Variants in GLCE observed in about 807,000 individuals in gnomAD.
GLCE encodes the protein glucuronic acid epimerase.
GLCE carries 19 observed loss-of-function variants against 47.9 expected under a neutral mutation model. The ratio of observed to expected loss-of-function variants is 0.40; its 90% CI spans 0.28 to 0.58. GLCE has a LOEUF of 0.58. Ranked by LOEUF, GLCE falls within the 20% of genes least tolerant of loss-of-function variation. GLCE has a pLI of 0.48. For missense variants in GLCE, 556 were observed against 743.3 expected (o/e 0.75, Z 2.93); for synonymous variants, 245 against 263.4 (o/e 0.93, Z 0.68).
intron 1 of GLCE, among the ~76,000 whole-genome samples, chr15:69,182,813 A>G (rs1428096348): frequency 1.3e-5 from 2 of 152,086 alleles, no homozygotes; most frequent in Non-Finnish European, 2.9e-5. Context: ...CAGGAGATTG[A>G]GACCAGCCTG....
intron 2 of GLCE, among the ~76,000 whole-genome samples, chr15:69,237,323 G>A (rs908440796): frequency 1.3e-5 from 2 of 151,924 alleles, no homozygotes; most frequent in Admixed American, 6.6e-5. Flanking sequence ...GGCTGGGTGC[G>A]GTGGCTCATG....
chr15:69,164,647 A>G (rs548930934), intron 1 of GLCE, among the ~76,000 whole-genome samples: 1 of 152,052 alleles, frequency 6.6e-6, no homozygotes, highest in Admixed American at 6.5e-5. Context: ...AGGAAGAGAT[A>G]CCTTAAGAGT....
chr15:69,167,666 A>T (rs972475095), intron 1 of GLCE, among the ~76,000 whole-genome samples: 4 of 152,222 alleles, frequency 2.6e-5, no homozygotes, highest in Admixed American at 2.0e-4. Flanking sequence ...GGTAGTGTAT[A>T]AAGATAACCA....
chr15:69,233,925 A>G (rs546219367), intron 2 of GLCE, among the ~76,000 whole-genome samples: 1 of 152,058 alleles, frequency 6.6e-6, no homozygotes, highest in African/African-American at 2.4e-5. Context: ...TCATACATAC[A>G]TACATATGAA....
chr15:69,239,791 G>A (rs1015703558), intron 2 of GLCE, among the ~76,000 whole-genome samples: 1 of 152,082 alleles, frequency 6.6e-6, no homozygotes, highest in African/African-American at 2.4e-5. Context: ...TTTGAAAATT[G>A]ATAAAGATTT....
chr15:69,219,517 C>A (rs562623295), intron 2 of GLCE, among the ~76,000 whole-genome samples: 1 of 152,128 alleles, frequency 6.6e-6, no homozygotes, highest in Non-Finnish European at 1.5e-5. Context: ...TAGAAAGCTG[C>A]AATGGAAAGC....
At chr15:69,202,436 A>T (rs190551672) in intron 1 of GLCE, among the ~76,000 whole-genome samples, 19 of 152,238 alleles carry the variant, frequency 1.2e-4, no homozygotes, top group African/African-American at 4.6e-4. Context: ...CAGAGCTTCT[A>T]TCTTCCTCAT....
At chr15:69,212,525 A>G (rs1376877376) in intron 2 of GLCE, among the ~76,000 whole-genome samples, 1 of 152,052 alleles carries the variant, frequency 6.6e-6, no homozygotes, top group African/African-American at 2.4e-5. Flanking sequence ...TACTTTAAAG[A>G]CAGGCATAGG....
intron 2 of GLCE, among the ~76,000 whole-genome samples, chr15:69,225,525 TATC>T (rs1449138373): frequency 6.6e-6 from 1 of 152,260 alleles, no homozygotes; most frequent in African/African-American, 2.4e-5. Flanking sequence ...TTGATTAGGT[TATC>T]ATGTATAAGC....
At chr15:69,164,106 G>T (rs1161140355) in intron 1 of GLCE, among the ~76,000 whole-genome samples, 1 of 150,768 alleles carries the variant, frequency 6.6e-6, no homozygotes, top group African/African-American at 2.4e-5. Flanking sequence ...GAGGAGAATA[G>T]GGTGGGGGAA....
intron 1 of GLCE, among the ~76,000 whole-genome samples, chr15:69,168,504 G>A (rs1414598731): frequency 1.3e-5 from 2 of 151,100 alleles, no homozygotes; most frequent in Non-Finnish European, 2.9e-5. Context: ...TGGCAGGCAT[G>A]GAGGAAGAGG....
intron 1 of GLCE, among the ~76,000 whole-genome samples, chr15:69,184,079 C>G (rs538673530): frequency 2.6e-5 from 4 of 152,198 alleles, no homozygotes; most frequent in Non-Finnish European, 5.9e-5. Flanking sequence ...AGTTTGATGT[C>G]TTCGTAGTCA....
At chr15:69,240,937 T>G (rs540572807) in intron 2 of GLCE, among the ~76,000 whole-genome samples, 1 of 152,276 alleles carries the variant, frequency 6.6e-6, no homozygotes, top group East Asian at 1.9e-4. Flanking sequence ...TTTTCTGAGA[T>G]GAAGGATGAC....
chr15:69,211,706 T>C (rs1175314590), intron 2 of GLCE, among the ~76,000 whole-genome samples: 1 of 151,980 alleles, frequency 6.6e-6, no homozygotes, highest in Admixed American at 6.6e-5. Context: ...CATAAAGGAA[T>C]TTCTCTGTTC....
chr15:69,197,153 A>G, intron 1 of GLCE: 1 of 391,078 alleles, frequency 2.6e-6, no homozygotes, highest in Non-Finnish European at 5.1e-6. Context: ...TCGGCACAAC[A>G]ATGCCTGACA....
chr15:69,218,361 A>C (rs1326476290), intron 2 of GLCE, among the ~76,000 whole-genome samples: 1 of 151,684 alleles, frequency 6.6e-6, no homozygotes, highest in East Asian at 2.0e-4. Context: ...AAAATACAAA[A>C]AAATTGGCTG....
chr15:69,203,732 C>G (rs1340293588), intron 1 of GLCE, among the ~76,000 whole-genome samples: 1 of 152,052 alleles, frequency 6.6e-6, no homozygotes, highest in African/African-American at 2.4e-5. Flanking sequence ...AAGGCAAAAA[C>G]TGTTCCTTAT....
chr15:69,226,835 C>A (rs1415645925), intron 2 of GLCE, among the ~76,000 whole-genome samples: 1 of 148,218 alleles, frequency 6.7e-6, no homozygotes, highest in Non-Finnish European at 1.5e-5. Context: ...ACCTCCGCCT[C>A]CCAGGTTCAA....
chr15:69,161,948 T>A (rs2051430566), intron 1 of GLCE, among the ~76,000 whole-genome samples: 1 of 152,156 alleles, frequency 6.6e-6, no homozygotes, highest in African/African-American at 2.4e-5. Context: ...GTGGTCTGCT[T>A]TGCTCATCCT....
Sources: allele counts gnomAD v4.1 joint callset (sites outside exome capture counted in the v4.1 genomes callset), GRCh38; gene constraint gnomAD v4.1.1; transcripts MANE v1.5; gene names NCBI Gene and HGNC (gene_info 2026-07-23, HGNC 2026-07-21).